Variants in PCDHGB3 observed in about 807,000 individuals in gnomAD.
PCDHGB3 encodes protocadherin gamma-B3.
PCDHGB3 carries 40 observed loss-of-function variants against 59.2 expected under a neutral mutation model. That is an observed-to-expected ratio of 0.68 (90% CI 0.52 to 0.88). The LOEUF is 0.88. Among genes scored for constraint, PCDHGB3 ranks in the 40% least tolerant of loss-of-function variants. PCDHGB3 has a pLI of 0.00. For missense variants in PCDHGB3, 1,309 were observed against 1,187.9 expected (o/e 1.10, Z -1.50); for synonymous variants, 581 against 503.6 (o/e 1.15, Z -2.06).
intron 1 of PCDHGB3, among the ~76,000 whole-genome samples, chr5:141,401,908 T>C (rs942184637): frequency 1.3e-5 from 2 of 152,238 alleles, no homozygotes; most frequent in Admixed American, 1.3e-4. Flanking sequence ...CAAATTATTA[T>C]ATAAGTTTAA....
chr5:141,371,305 T>C lies in PCDHGB3; in HGVS notation c.911T>C (p.Ile304Thr), dbSNP rs772021444. 1.8e-5 allele frequency: 29 copies of C among 1,613,822 alleles called. No individual in the cohort carries two copies. Among genetic ancestry groups the C allele is most frequent in the African/African-American group, 2.7e-5 (2 of 74,920 alleles). ...AGTAAAACGGGGGAACTCACCACTATTGGAGAACTGGACTTTGAAGAGAGA... is the reference window on the plus strand; with the variant it reads ...AGTAAAACGGGGGAACTCACCACTACTGGAGAACTGGACTTTGAAGAGAGA... ...LDSKTGELTT[I>T]GELDFEERDS... The change falls in exon 1 of 4, where the codon ATT becomes ACT. Residue 304 changes from isoleucine to threonine, a missense_variant. Ile to Thr is a moderately conservative substitution (Grantham distance 89). Transcript: ENST00000576222.
intron 1 of PCDHGB3, chr5:141,405,141 A>G (rs749502643): frequency 6.2e-7 from 1 of 1,613,980 alleles, no homozygotes; most frequent in South Asian, 1.1e-5. Flanking sequence ...GCTACCAGTG[A>G]TGGGTTGGCT....
At chr5:141,390,612 T>C (rs2092191763) in intron 1 of PCDHGB3, 1 of 296,168 alleles carries the variant, frequency 3.4e-6, no homozygotes, top group Non-Finnish European at 6.3e-6. Context: ...ATTTTCCTTC[T>C]TGTTGACTAA....
chr5:141,386,716 C>A (rs2090679680), intron 1 of PCDHGB3, among the ~76,000 whole-genome samples: 1 of 152,024 alleles, frequency 6.6e-6, no homozygotes. Context: ...TTGCTGACAC[C>A]AACAATGTTA....
chr5:141,476,091 G>A lies in PCDHGB3; in HGVS notation c.2416-18716G>A. The A allele has an allele frequency of 2.6e-6, 4 of 1,563,192 alleles. No individual in the cohort carries two copies. The highest frequency in any genetic ancestry group is 3.5e-6 in the Non-Finnish European group (4 of 1,159,278). On this transcript the variant is annotated intron_variant, in intron 1 of 3. Transcript: ENST00000576222. The surrounding 1 kb of genome is among the most constrained non-coding windows in gnomAD (Gnocchi z 7.6). ...AAATCTCAGGGACGATCTGGACCCCGCTGAGAGGAACTGCTTTTGAGTGAG... is the reference window on the plus strand; with the variant it reads ...AAATCTCAGGGACGATCTGGACCCCACTGAGAGGAACTGCTTTTGAGTGAG...
chr5:141,456,712 C>T (rs1025899058), intron 1 of PCDHGB3, among the ~76,000 whole-genome samples: 2 of 152,190 alleles, frequency 1.3e-5, no homozygotes, highest in African/African-American at 4.8e-5. Context: ...CGCCTGTAAT[C>T]CCAGCACTTT....
rs536313993 is a variant in PCDHGB3, at chr5:141,436,142, T to G, written c.2416-58665T>G. Among the ~76,000 whole-genome samples, 46 of 152,334 alleles carry G rather than the reference T, an allele frequency of 3.0e-4. No homozygotes were observed. The South Asian group carries it at 3.1e-3, about 10-fold the overall frequency. ...CTCTCCTCCATCATCTTGTATGAAC[T>G]ACCAAAATGTTTATCATATGGACAG... On this transcript the variant is annotated intron_variant, in intron 1 of 3. Coordinates refer to ENST00000576222, the MANE Select transcript of PCDHGB3 (RefSeq NM_018924.5).
chr5:141,494,752 T>C (rs889400984), intron 1 of PCDHGB3, 55 bp from the exon 2 acceptor site: 18 of 1,612,206 alleles, frequency 1.1e-5, no homozygotes, highest in Non-Finnish European at 1.5e-5. Context: ...GGGGCTCGGG[T>C]GACATTCTAA....
chr5:141,423,423 G>C (rs1561809630), intron 1 of PCDHGB3: 2 of 1,614,096 alleles, frequency 1.2e-6, no homozygotes, highest in Non-Finnish European at 8.5e-7. Flanking sequence ...CTGAAGGCGG[G>C]TTGGCAGGTA....
Position 141,370,475 on chromosome 5 carries a change from GGCTCTCTCCGAACCGATCC to G in PCDHGB3, c.85_103del (p.Leu29ThrfsTer13). 6.2e-7 allele frequency: 1 copy of G among 1,613,676 alleles called. No individual in the cohort carries two copies. The highest frequency in any genetic ancestry group is 8.5e-7 in the Non-Finnish European group (1 of 1,179,790). ...TCTTCCTGCTCTCTTTGTTAGACCA[GGCTCTCTCCGAACCGATCC>G]GCTACGCTATTCCCGAGGAGCTGGA... is the stretch of plus-strand genomic sequence containing the variant. On this transcript the variant is annotated frameshift_variant, in exon 1 of 4. Transcript: ENST00000576222. LOFTEE classifies it high-confidence loss of function.
chr5:141,486,444 T>G lies in PCDHGB3; in HGVS notation c.2416-8363T>G. 1 of 1,614,086 alleles carries G rather than the reference T, an allele frequency of 6.2e-7. No homozygotes were observed. Among genetic ancestry groups the G allele is most frequent in the Non-Finnish European group, 8.5e-7 (1 of 1,179,930 alleles). ...GAGGCCAAATCTAGCTATGACATCA[T>G]GGTCACTGCTTCTGATGCTGGGAAC... On this transcript the variant is annotated intron_variant, in intron 1 of 3. Coordinates refer to ENST00000576222, the MANE Select transcript of PCDHGB3 (RefSeq NM_018924.5). The surrounding 1 kb of genome is among the most constrained non-coding windows in gnomAD (Gnocchi z 5.0).
At chr5:141,478,904 T>G in intron 1 of PCDHGB3, 1 of 958,800 alleles carries the variant, frequency 1.0e-6, no homozygotes, top group Non-Finnish European at 1.5e-6. Context: ...AGGAATAAGC[T>G]GCTGGATACC....
chr5:141,423,887 T>C, intron 1 of PCDHGB3: 2 of 1,282,240 alleles, frequency 1.6e-6, no homozygotes, highest in Non-Finnish European at 2.0e-6. Context: ...CTTGGCATAT[T>C]TTCTTTTGAT....
rs765887978 is a variant in PCDHGB3 at position 141,486,476 on chromosome 5, C to T, written c.2416-8331C>T. The T allele has an allele frequency of 8.7e-6, 14 of 1,613,934 alleles. No homozygotes were observed. The highest frequency in any genetic ancestry group is 1.7e-5 in the Admixed American group (1 of 60,016). ...TGCTTCTGATGCTGGGAACCCTCCT[C>T]TCAGTACCCACAGAACTATTTTCCT... On this transcript the variant is annotated intron_variant, in intron 1 of 3. Transcript: ENST00000576222. This position sits in a 1 kb window ranked among gnomAD's most constrained non-coding sequence, Gnocchi z 5.0.
At position 141,486,449 on chromosome 5, in the gene PCDHGB3, A is replaced by G; in HGVS notation, c.2416-8358A>G. On this transcript the variant is annotated intron_variant, in intron 1 of 3. Coordinates refer to ENST00000576222, the MANE Select transcript of PCDHGB3 (RefSeq NM_018924.5). The surrounding 1 kb of genome is among the most constrained non-coding windows in gnomAD (Gnocchi z 5.0). The stretch of plus-strand genomic sequence containing the variant: ...CAAATCTAGCTATGACATCATGGTC[A>G]CTGCTTCTGATGCTGGGAACCCTCC... The G allele has an allele frequency of 6.2e-7, 1 of 1,614,184 alleles. No homozygotes were observed. Among genetic ancestry groups the G allele is most frequent in the Non-Finnish European group, 8.5e-7 (1 of 1,180,000 alleles).
intron 1 of PCDHGB3, chr5:141,422,919 G>A (rs1445179310): frequency 3.7e-6 from 6 of 1,614,238 alleles, no homozygotes; most frequent in Non-Finnish European, 5.1e-6. Flanking sequence ...CCGAGATCCT[G>A]TACCCTGCCC....
rs1413288410 is a variant in PCDHGB3 at position 141,392,726 on chromosome 5, T to C, written c.2415+19917T>C. On this transcript the variant is annotated intron_variant, in intron 1 of 3. Transcript: ENST00000576222. The stretch of plus-strand genomic sequence containing the variant: ...GGAGGCACTCCAGGTTTCCGGAGGA[T>C]TGTCATCTCCATAGCTGCGGCAAGA... 4.3e-6 allele frequency: 6 copies of C among 1,399,264 alleles called. No individual in the cohort carries two copies. The African/African-American group carries it at 8.7e-5, about 20-fold the overall frequency. 86.7% of individuals were successfully genotyped at this position (1,399,264 alleles called of 1,614,324 possible).
rs143083513 is a variant in PCDHGB3 at position 141,431,088 on chromosome 5, T to C, written c.2415+58279T>C. On this transcript the variant is annotated intron_variant, in intron 1 of 3. Coordinates refer to ENST00000576222, the MANE Select transcript of PCDHGB3 (RefSeq NM_018924.5). This position sits in a 1 kb window ranked among gnomAD's most constrained non-coding sequence, Gnocchi z 4.8. The stretch of plus-strand genomic sequence containing the variant: ...TGTCAATTAAATCTAGACATTCTGA[T>C]GGAGGATAAAGTGAAAATATATGGA... 106 of 1,614,180 alleles carry C rather than the reference T, an allele frequency of 6.6e-5. 1 individual carries two copies. The highest frequency in any genetic ancestry group is 3.1e-4 in the East Asian group (14 of 44,890).
intron 1 of PCDHGB3, among the ~76,000 whole-genome samples, chr5:141,472,862 T>C (rs770564770): frequency 1.3e-5 from 2 of 150,322 alleles, no homozygotes; most frequent in South Asian, 4.2e-4. Flanking sequence ...GGCACATGCC[T>C]GTATTCCCAG....
Sources: allele counts gnomAD v4.1 joint callset (sites outside exome capture counted in the v4.1 genomes callset), GRCh38; gene constraint gnomAD v4.1.1; non-coding constraint Gnocchi (gnomAD v3.1); transcripts MANE v1.5; gene names NCBI Gene and HGNC (gene_info 2026-07-23, HGNC 2026-07-21).